KIR2DL4: variants seen among roughly 807,000 people sequenced by gnomAD.
The protein encoded by KIR2DL4 is killer cell immunoglobulin like receptor, two Ig domains and long cytoplasmic tail 4, also known as killer cell immunoglobulin-like receptor 2DL4.
In KIR2DL4, 41 loss-of-function variants were observed where a neutral mutation model predicts 31.0. That is an observed-to-expected ratio of 1.32 (90% CI 1.03 to 1.72). The LOEUF (loss-of-function observed/expected upper bound fraction) is 1.72. Among genes scored for constraint, KIR2DL4 ranks in the 40% most tolerant of loss-of-function variants. The pLI is 0.00. For missense variants in KIR2DL4, 438 were observed against 353.7 expected, an observed-to-expected ratio of 1.24 and a Z score of -1.91; for synonymous variants, 164 against 133.6, an observed-to-expected ratio of 1.23 and a Z score of -1.57.
intron 5 of KIR2DL4, among the ~76,000 whole-genome samples, chr19:54,809,297 G>C (rs2060714622): frequency 6.6e-6 from 1 of 150,490 alleles, no homozygotes. Context: ...TCCAACCCTG[G>C]TTGACTTAGT....
At chr19:54,806,101 T>C in exon 4 of KIR2DL4, 1 of 1,612,090 alleles carries the variant, frequency 6.2e-7, no homozygotes, top group Non-Finnish European at 8.5e-7. Context: ...CTCCCTGCAG[T>C]GCCCAGCATC....
exon 2 of KIR2DL4, chr19:54,803,902 G>C: frequency 1.2e-6 from 2 of 1,610,194 alleles, no homozygotes; most frequent in Non-Finnish European, 1.7e-6. Flanking sequence ...GTTCTTCTTG[G>C]ACCAGAGTGT....
rs1186429879 is a variant in KIR2DL4 at position 54,811,473 on chromosome 19, A to G, written c.707-1652A>G. Among the ~76,000 whole-genome samples, 2 of 151,058 alleles carry G rather than the reference A, an allele frequency of 1.3e-5. 1 individual carries two copies. The highest frequency in any genetic ancestry group is 2.9e-5 in the Non-Finnish European group (2 of 67,880). ...CAAAGGCACACCAATTCCAATCATC[A>G]TTTTTCTATTTCTCTATAATGACTT... On this transcript the variant is annotated intron_variant, in intron 5 of 7. Coordinates refer to ENST00000359085, the Ensembl canonical transcript of KIR2DL4.
At position 54,808,886 on chromosome 19, in the gene KIR2DL4, A is replaced by G. The variant is rs1601177489; in HGVS notation, c.706+3A>G. 1.9e-6 allele frequency: 3 copies of G among 1,602,928 alleles called. No homozygotes were observed. Among genetic ancestry groups the G allele is most frequent in the Non-Finnish European group, 2.6e-6 (3 of 1,172,744 alleles). On this transcript the variant is annotated splice_donor_region_variant and intron_variant, in intron 5 of 7. Coordinates refer to ENST00000359085, the Ensembl canonical transcript of KIR2DL4. ...CACTGAACCAAGCTTCAAAACTGGT[A>G]AGTGAAGGACCCCTCTTATCTCTGC...
chr19:54,810,518 GA>G (rs544859823), intron 5 of KIR2DL4, among the ~76,000 whole-genome samples: 1 of 151,142 alleles, frequency 6.6e-6, no homozygotes, highest in South Asian at 2.1e-4. Context: ...TGACCTTAAT[GA>G]AAAAAATAGA....
Position 54,808,198 on chromosome 19 carries a change from T to C in KIR2DL4, c.656-635T>C, listed in dbSNP as rs113706226. Among the ~76,000 whole-genome samples the C allele has an allele frequency of 2.9e-3, 401 of 138,964 alleles. 16 individuals carry two copies. Among genetic ancestry groups the C allele is most frequent in the African/African-American group, 0.011 (373 of 33,762 alleles). 91.2% of individuals were successfully genotyped at this position (138,964 alleles called of 152,430 possible). A position where few individuals can be genotyped will look rare whatever the true frequency, so the allele number is the denominator to read the frequency against. On this transcript the variant is annotated intron_variant, in intron 4 of 7. Coordinates refer to ENST00000359085, the Ensembl canonical transcript of KIR2DL4. The stretch of plus-strand genomic sequence containing the variant: ...CTTTGCGGTGCAGAAGCTGCTTGAT[T>C]TGATATAATCCCAATGGTCTATTTT...
intron 4 of KIR2DL4, among the ~76,000 whole-genome samples, chr19:54,808,177 G>C (rs1313488727): frequency 6.7e-6 from 1 of 149,226 alleles, no homozygotes. Flanking sequence ...TGCTTCCTTT[G>C]CGGTGCAGAA....
Position 54,803,619 on chromosome 19 carries a change from G to A in KIR2DL4, c.-33G>A, listed in dbSNP as rs1457332025. ...ATCCTCTGCACCGGTCAGTCGAGCC[G>A]AGTCACTGCGTCCTGGCAGCAGAAG... On this transcript the variant is annotated 5_prime_UTR_variant, in exon 1 of 8. Coordinates refer to ENST00000359085, the Ensembl canonical transcript of KIR2DL4. 2.0e-5 allele frequency: 33 copies of A among 1,612,056 alleles called. 1 individual carries two copies. Among genetic ancestry groups the A allele is most frequent in the Admixed American group, 1.3e-4 (8 of 59,900 alleles).
intron 4 of KIR2DL4, among the ~76,000 whole-genome samples, chr19:54,807,279 C>A (rs2060585903): frequency 1.3e-5 from 2 of 150,890 alleles, no homozygotes; most frequent in Admixed American, 1.3e-4. Context: ...CACTGATGGG[C>A]AGGTAGGTTG....
chr19:54,803,783 G>C, intron 1 of KIR2DL4, 92 bp downstream of exon 1: 2 of 1,566,066 alleles, frequency 1.3e-6, no homozygotes, highest in South Asian at 1.1e-5. Context: ...TGAAGCAAGT[G>C]AGTGGTGAGG....
chr19:54,814,444 C>G lies in KIR2DL4; in HGVS notation c.*644C>G, dbSNP rs1326495165. On this transcript the variant is annotated 3_prime_UTR_variant, in exon 8 of 8. Coordinates refer to ENST00000359085, the Ensembl canonical transcript of KIR2DL4. ...CTCAGACTATTTTTCAGCCTTCTGG[C>G]ATCAGCAAACCTTATAAAATTTTTT... is the stretch of plus-strand genomic sequence containing the variant. 4 of 348,176 alleles carry G rather than the reference C, an allele frequency of 1.1e-5. No individual in the cohort carries two copies. In the East Asian group the frequency reaches 2.9e-4, roughly 25 times the overall value. The allele number at this position is 348,176 out of a possible 1,614,324, so 21.6% of individuals were successfully genotyped here.
rs1469043183 is a variant in KIR2DL4, at chr19:54,810,826, A to G, written c.706+1943A>G. ...ATGAAAATAAGGGAGGCCCAGGTGC[A>G]TAACTGGAATCTAGGAGACTGTGGA... On this transcript the variant is annotated intron_variant, in intron 5 of 7. Coordinates refer to ENST00000359085, the Ensembl canonical transcript of KIR2DL4. Among the ~76,000 whole-genome samples the G allele has an allele frequency of 2.6e-5, 4 of 151,200 alleles. 1 individual carries two copies. Among genetic ancestry groups the G allele is most frequent in the Non-Finnish European group, 5.9e-5 (4 of 67,914 alleles).
chr19:54,814,462 A>C, exon 8 of KIR2DL4: 1 of 305,292 alleles, frequency 3.3e-6, no homozygotes, highest in Non-Finnish European at 6.1e-6. Flanking sequence ...AACCTTATAA[A>C]ATTTTTTTGA....
At chr19:54,808,706 G>A (rs2060674047) in intron 4 of KIR2DL4, 127 bp from the exon 5 acceptor site, 2 of 779,476 alleles carry the variant, frequency 2.6e-6, no homozygotes, top group Non-Finnish European at 4.6e-6. Context: ...TGGAGAATGG[G>A]ATGCCAGGAC....
In KIR2DL4 at chr19:54,805,003, G is replaced by A; in HGVS notation, c.287G>A (p.Arg96Lys). Residue 96 changes from arginine to lysine, a missense_variant, in exon 3 of 8, where the codon AGA becomes AAA. Transcript: ENST00000359085. ...ACCCCAGCACACGCAGGGACCTACAGATGTCGAGGTTTTCACCCGCACTCC... is the reference window on the plus strand; with the variant it reads ...ACCCCAGCACACGCAGGGACCTACAAATGTCGAGGTTTTCACCCGCACTCC... 3.7e-6 allele frequency: 6 copies of A among 1,611,810 alleles called. No individual in the cohort carries two copies. The highest frequency in any genetic ancestry group is 1.7e-4 in the Middle Eastern group (1 of 6,046).
At chr19:54,813,862 T>C (rs1354195249) in exon 8 of KIR2DL4, 1 of 1,612,238 alleles carries the variant, frequency 6.2e-7, no homozygotes, top group African/African-American at 1.3e-5. Flanking sequence ...AACAAGACCC[T>C]CAGGAGGTGA....
intron 3 of KIR2DL4, 82 bp from the exon 4 acceptor site, chr19:54,805,869 G>C (rs906670050): frequency 8.0e-7 from 1 of 1,252,226 alleles, no homozygotes; most frequent in Non-Finnish European, 1.1e-6. Flanking sequence ...CATAGAGCAG[G>C]GCAGTGAGTT....
intron 6 of KIR2DL4, chr19:54,813,353 G>A (rs1194594242): frequency 1.4e-6 from 2 of 1,469,854 alleles, no homozygotes; most frequent in African/African-American, 1.5e-5. Context: ...CAGAGGCAGA[G>A]CTTTCTAGAG....
At chr19:54,806,000 C>G (rs766364834) in exon 4 of KIR2DL4, 9 of 1,610,424 alleles carry the variant, frequency 5.6e-6, no homozygotes, top group Admixed American at 1.7e-5. Flanking sequence ...CCACGGTTCG[C>G]GCAGGAGAGA....
Sources: allele counts gnomAD v4.1 joint callset (sites outside exome capture counted in the v4.1 genomes callset), GRCh38; gene constraint gnomAD v4.1.1; transcripts MANE v1.5; gene names NCBI Gene and HGNC (gene_info 2026-07-23, HGNC 2026-07-21).